ERFL: variants seen among roughly 807,000 people sequenced by gnomAD.
The protein encoded by ERFL is ETS domain-containing transcription factor ERF-like.
ERFL carries 8 observed loss-of-function variants against 27.9 expected under a neutral mutation model. That is an observed-to-expected ratio of 0.29 (90% CI 0.17 to 0.52). The LOEUF is 0.52. Ranked by LOEUF, ERFL falls within the 20% of genes least tolerant of loss-of-function variation. The probability of loss-of-function intolerance (pLI) is 0.97; values close to 1 mark genes in which losing one functional copy is unlikely to be tolerated. For synonymous variants in ERFL, 174 were observed against 202.8 expected (o/e 0.86, Z 1.21); for missense variants, 294 against 444.4 (o/e 0.66, Z 3.04).
rs538948770 is a variant in ERFL at position 41,917,255 on chromosome 19, T to G, written c.-13-4323A>C. Among the ~76,000 whole-genome samples the G allele has an allele frequency of 6.6e-6, 1 of 152,172 alleles. No individual in the cohort carries two copies. The highest frequency in any genetic ancestry group is 1.9e-4 in the East Asian group (1 of 5,166). ...TGAGTGTCTCTGTTTCCCCCATCTC[T>G]CTCTCTGGGTGCATCTCTCTGTCTC... On this transcript the variant is annotated intron_variant, in intron 1 of 5. Transcript: ENST00000597630. This position sits in a 1 kb window ranked among gnomAD's most constrained non-coding sequence, Gnocchi z 4.8.
intron 1 of ERFL, 30 bp downstream of exon 1, chr19:41,928,010 G>A (rs967580749): frequency 5.9e-5 from 9 of 151,986 alleles, no homozygotes; most frequent in Non-Finnish European, 1.2e-4. Context: ...CCCCCTCCCC[G>A]CCCCTGCGCC....
intron 1 of ERFL, among the ~76,000 whole-genome samples, chr19:41,913,310 G>A (rs2074765713): frequency 7.9e-6 from 1 of 126,556 alleles, no homozygotes; most frequent in African/African-American, 3.0e-5. Flanking sequence ...CTCTGCTGCC[G>A]TCTCCCGTCC....
chr19:41,911,008 C>G (rs1314660155), intron 2 of ERFL, among the ~76,000 whole-genome samples: 2 of 152,240 alleles, frequency 1.3e-5, no homozygotes, highest in East Asian at 1.9e-4. Context: ...ACCCCAAATG[C>G]CCAAAGAACA....
intron 1 of ERFL, among the ~76,000 whole-genome samples, chr19:41,915,888 C>T (rs1555851916): frequency 1.3e-5 from 2 of 152,196 alleles, no homozygotes; most frequent in Non-Finnish European, 2.9e-5. Context: ...GGACAAACGG[C>T]CCCAGCCCCA....
chr19:41,909,069 G>A lies in ERFL; in HGVS notation c.607C>T (p.Leu203=). 4.1e-6 allele frequency: 5 copies of A among 1,231,366 alleles called. No homozygotes were observed. The highest frequency in any genetic ancestry group is 5.1e-6 in the Non-Finnish European group (5 of 987,730). The allele number at this position is 1,231,366 out of a possible 1,614,324, so 76.3% of individuals were successfully genotyped here. Residue 203 remains leucine (L), a synonymous_variant, in exon 5 of 6, where the codon CTG becomes TTG. Transcript: ENST00000597630. The surrounding 1 kb of genome is among the most constrained non-coding windows in gnomAD (Gnocchi z 5.2). Reference sequence around the variant, plus strand: ...ACCTCCAGGCTCTTACCAGAGCCCAGGAATGGGAAAGGGCTGTCCAGACGC... The same window carrying A: ...ACCTCCAGGCTCTTACCAGAGCCCAAGAATGGGAAAGGGCTGTCCAGACGC... ...KLRLDSPFPF[L]GSGATSYSKP...
chr19:41,918,095 C>A (rs782557428), intron 1 of ERFL, among the ~76,000 whole-genome samples: 19 of 151,948 alleles, frequency 1.3e-4, no homozygotes, highest in Non-Finnish European at 1.9e-4. Flanking sequence ...CATGCCCCCC[C>A]ATCCCGGACG....
At position 41,909,407 on chromosome 19, in the gene ERFL, A is replaced by G; in HGVS notation, c.367T>C (p.Phe123Leu). ...KGKRFTYKFN[F>L]SKVVLVNYPL... ...TAATTGACAAGCACGACTTTGCTGA[A>G]GTTGAACTTGTAGGTGAACCTCTTC... The change falls in exon 4 of 6, where the codon TTC becomes CTC. Residue 123 changes from phenylalanine (F) to leucine (L), a missense_variant. By Grantham distance (22) the Phe-to-Leu change is conservative. Coordinates refer to ENST00000597630, the MANE Select transcript of ERFL (RefSeq NM_001365103.2). The surrounding 1 kb of genome is among the most constrained non-coding windows in gnomAD (Gnocchi z 5.2). The G allele has an allele frequency of 1.6e-6, 2 of 1,237,586 alleles. No homozygotes were observed. Among genetic ancestry groups the G allele is most frequent in the Non-Finnish European group, 2.0e-6 (2 of 990,470 alleles). The allele number at this position is 1,237,586 out of a possible 1,614,324, so 76.7% of individuals were successfully genotyped here. A position where few individuals can be genotyped will look rare whatever the true frequency, so the allele number is the denominator to read the frequency against.
At chr19:41,918,231 A>T (rs1404988351) in intron 1 of ERFL, among the ~76,000 whole-genome samples, 2 of 151,596 alleles carry the variant, frequency 1.3e-5, no homozygotes, top group African/African-American at 4.9e-5. Context: ...CATACCACAT[A>T]TACACACCAC....
Position 41,917,576 on chromosome 19 carries a change from GGAGA to G in ERFL, c.-13-4648_-13-4645del, listed in dbSNP as rs1372228529. Among the ~76,000 whole-genome samples the G allele has an allele frequency of 1.3e-4, 20 of 151,516 alleles. No individual in the cohort carries two copies. The highest frequency in any genetic ancestry group is 2.5e-4 in the Non-Finnish European group (17 of 67,884). ...TCTTCTCCGGGGCTCTGTCTAAAGA[GGAGA>G]GAGACGCGGCCTAAGACCCTTCTGC... On this transcript the variant is annotated intron_variant, in intron 1 of 5. Transcript: ENST00000597630. The surrounding 1 kb of genome is among the most constrained non-coding windows in gnomAD (Gnocchi z 4.8).
At chr19:41,926,677 C>T (rs2074872328) in intron 1 of ERFL, among the ~76,000 whole-genome samples, 1 of 151,782 alleles carries the variant, frequency 6.6e-6, no homozygotes, top group South Asian at 2.1e-4. Flanking sequence ...GGCTGCTTGG[C>T]GATGCGGAGC....
At chr19:41,919,329 T>C (rs1001115757) in intron 1 of ERFL, among the ~76,000 whole-genome samples, 4 of 152,072 alleles carry the variant, frequency 2.6e-5, no homozygotes, top group Non-Finnish European at 4.4e-5. Context: ...TGCAGACACA[T>C]GCGCCATCCA....
At chr19:41,920,043 T>C (rs2074829952) in intron 1 of ERFL, among the ~76,000 whole-genome samples, 1 of 103,830 alleles carries the variant, frequency 9.6e-6, no homozygotes, top group African/African-American at 3.9e-5. Flanking sequence ...CATGATACGC[T>C]CACAGACATG....
chr19:41,927,244 A>G (rs1451765783), intron 1 of ERFL, among the ~76,000 whole-genome samples: 3 of 152,090 alleles, frequency 2.0e-5, no homozygotes, highest in Non-Finnish European at 4.4e-5. Flanking sequence ...ACAGTGGTGG[A>G]ATGATAGAAA....
intron 1 of ERFL, among the ~76,000 whole-genome samples, chr19:41,914,911 TC>T (rs200631098): frequency 1.2e-4 from 11 of 90,166 alleles, no homozygotes; most frequent in African/African-American, 8.2e-4. Context: ...TGTCTCTCCC[TC>T]CCCCTCCACC....
chr19:41,927,216 G>A (rs1414644823), intron 1 of ERFL, among the ~76,000 whole-genome samples: 1 of 152,114 alleles, frequency 6.6e-6, no homozygotes, highest in Non-Finnish European at 1.5e-5. Flanking sequence ...AACAGAAGTG[G>A]CCCAGCAGGG....
chr19:41,908,945 A>G lies in ERFL; in HGVS notation c.616+115T>C, dbSNP rs2074736129. ...GGGTTTTACACACACACACCCTACA[A>G]CCTGGCCCTGGGCCCCCTTCCCCAT... is the stretch of plus-strand genomic sequence containing the variant. On this transcript the variant is annotated intron_variant, in intron 5 of 5. Transcript: ENST00000597630. This position sits in a 1 kb window ranked among gnomAD's most constrained non-coding sequence, Gnocchi z 6.7. 4 of 608,306 alleles carry G rather than the reference A, an allele frequency of 6.6e-6. No homozygotes were observed. The East Asian group carries it at 1.4e-4, about 21-fold the overall frequency. 37.7% of individuals were successfully genotyped at this position (608,306 alleles called of 1,614,324 possible).
Position 41,916,349 on chromosome 19 carries a change from G to A in ERFL, c.-13-3417C>T, listed in dbSNP as rs781792242. 1.3e-5 allele frequency among the ~76,000 whole-genome samples: 2 copies of A among 151,852 alleles called. No individual in the cohort carries two copies. Among genetic ancestry groups the A allele is most frequent in the African/African-American group, 2.4e-5 (1 of 41,328 alleles). On this transcript the variant is annotated intron_variant, in intron 1 of 5. Transcript: ENST00000597630. This position sits in a 1 kb window ranked among gnomAD's most constrained non-coding sequence, Gnocchi z 5.4. Reference sequence around the variant, plus strand: ...CACCAACAAAGCAACGCATACCACTGCTGCCACACACAACCCACATCACAC... The same window carrying A: ...CACCAACAAAGCAACGCATACCACTACTGCCACACACAACCCACATCACAC...
Position 41,910,166 on chromosome 19 carries a change from C to G in ERFL, c.68-69G>C. The G allele has an allele frequency of 6.9e-7, 1 of 1,457,276 alleles. No homozygotes were observed. Among genetic ancestry groups the G allele is most frequent in the Non-Finnish European group, 9.3e-7 (1 of 1,077,488 alleles). The allele number at this position is 1,457,276 out of a possible 1,614,324, so 90.3% of individuals were successfully genotyped here. A position where few individuals can be genotyped will look rare whatever the true frequency, so the allele number is the denominator to read the frequency against. Reference sequence around the variant, plus strand: ...GTCCAGGGCTCTGGGTCCTGCTGGACTCAGTAACCTGGGAGGCATGTAGTT... The same window carrying G: ...GTCCAGGGCTCTGGGTCCTGCTGGAGTCAGTAACCTGGGAGGCATGTAGTT... On this transcript the variant is annotated intron_variant, in intron 2 of 5. Transcript: ENST00000597630. This position sits in a 1 kb window ranked among gnomAD's most constrained non-coding sequence, Gnocchi z 4.4.
chr19:41,915,990 T>C (rs2074799007), intron 1 of ERFL, among the ~76,000 whole-genome samples: 2 of 151,798 alleles, frequency 1.3e-5, no homozygotes, highest in Admixed American at 1.3e-4. Flanking sequence ...CAAGCTTTAA[T>C]TTTTAATTTT....
Sources: gnomAD v4.1 joint callset for allele counts (sites outside exome capture counted in the v4.1 genomes callset) on GRCh38, gnomAD v4.1.1 for gene constraint, Gnocchi (gnomAD v3.1) non-coding constraint, MANE v1.5 for transcripts, NCBI Gene and HGNC (gene_info 2026-07-23, HGNC 2026-07-21) for gene names.